The following MYOCD variants were observed in gnomAD, a reference collection of about 807,000 sequenced individuals.
MYOCD encodes the protein myocardin.
A neutral mutation model predicts 96.1 loss-of-function variants in MYOCD; 32 were observed. The ratio of observed to expected loss-of-function variants is 0.33; its 90% CI spans 0.25 to 0.45. The LOEUF is 0.45. Ranked by LOEUF, MYOCD falls within the 20% of genes least tolerant of loss-of-function variation. The probability of loss-of-function intolerance (pLI) is 1.00; values close to 1 mark genes in which losing one functional copy is unlikely to be tolerated. For synonymous variants in MYOCD, 469 were observed against 469.0 expected, an observed-to-expected ratio of 1.00 and a Z score of 0.00; for missense variants, 1,133 against 1,200.6, an observed-to-expected ratio of 0.94 and a Z score of 0.83.
rs989543366 is a variant in MYOCD at position 12,768,341 on chromosome 17, G to A, written c.*4697G>A. ...CAGGATGAGATCTGGGAAGAATTTT[G>A]TTGTCATCTGCCAGGGAAATTATCA... On this transcript the variant is annotated 3_prime_UTR_variant, in exon 14 of 14. Coordinates refer to ENST00000425538, the MANE Select transcript of MYOCD (RefSeq NM_001146312.3). The A allele has an allele frequency of 6.6e-6, 1 of 152,168 alleles. No individual in the cohort carries two copies. Among genetic ancestry groups the A allele is most frequent in the Admixed American group, 6.5e-5 (1 of 15,270 alleles). The allele number at this position is 152,168 out of a possible 1,614,324, so 9.4% of individuals were successfully genotyped here. A position where few individuals can be genotyped will look rare whatever the true frequency, so the allele number is the denominator to read the frequency against.
intron 6 of MYOCD, among the ~76,000 whole-genome samples, chr17:12,737,467 G>C (rs1286824684): frequency 6.6e-6 from 1 of 152,148 alleles, no homozygotes; most frequent in African/African-American, 2.4e-5. Flanking sequence ...GGCTCTAGAA[G>C]TATGGCAGAG....
intron 1 of MYOCD, among the ~76,000 whole-genome samples, chr17:12,668,756 C>T (rs1401743393): frequency 6.6e-6 from 1 of 152,000 alleles, no homozygotes; most frequent in African/African-American, 2.4e-5. Context: ...TGTGCCTCAA[C>T]TTGCCTCACC....
intron 1 of MYOCD, among the ~76,000 whole-genome samples, chr17:12,697,335 GTATATA>G (rs1007347099): frequency 2.7e-4 from 25 of 92,030 alleles, no homozygotes; most frequent in African/African-American, 1.1e-3. Context: ...TGGTATAGGA[GTATATA>G]TATATATATA....
intron 1 of MYOCD, among the ~76,000 whole-genome samples, chr17:12,693,928 C>T (rs917675411): frequency 5.3e-5 from 8 of 152,160 alleles, no homozygotes; most frequent in Non-Finnish European, 8.8e-5. Flanking sequence ...ACCCAAATGT[C>T]AGAATCATGA....
intron 13 of MYOCD, chr17:12,762,830 C>T: frequency 2.0e-6 from 1 of 493,154 alleles, no homozygotes; most frequent in South Asian, 2.8e-5. Context: ...GAGGAGTAGG[C>T]CAGGAACCTT....
In MYOCD at chr17:12,705,178, C is replaced by G; in HGVS notation, c.106C>G (p.Gln36Glu). 6.2e-7 allele frequency: 1 copy of G among 1,612,766 alleles called. No homozygotes were observed. ...AAGGACCCAGGAACAACTGGCTAAC[C>G]AAGGCATAATACCACGTGAGTACCT... The part of the protein sequence containing the change: ...QRRTQEQLAN[Q>E]GIIPPLKRPA... The change falls in exon 2 of 14, where the codon CAA becomes GAA. Residue 36 changes from glutamine (Q) to glutamate (E), a missense_variant. By Grantham distance (29) the Gln-to-Glu change is conservative (BLOSUM62 2). Coordinates refer to ENST00000425538, the MANE Select transcript of MYOCD (RefSeq NM_001146312.3).
chr17:12,706,402 G>A (rs1297559051), intron 2 of MYOCD, among the ~76,000 whole-genome samples: 3 of 152,212 alleles, frequency 2.0e-5, no homozygotes, highest in Non-Finnish European at 4.4e-5. Context: ...AGAAACCAAA[G>A]GTCTGCGGAT....
Position 12,742,953 on chromosome 17 carries a change from G to A in MYOCD, c.718-1230G>A, listed in dbSNP as rs890774671. Among the ~76,000 whole-genome samples, 3 of 152,144 alleles carry A rather than the reference G, an allele frequency of 2.0e-5. No homozygotes were observed. In the South Asian group the frequency reaches 6.2e-4, roughly 32 times the overall value. On this transcript the variant is annotated intron_variant, in intron 7 of 13. Coordinates refer to ENST00000425538, the MANE Select transcript of MYOCD (RefSeq NM_001146312.3). The stretch of plus-strand genomic sequence containing the variant: ...CAAAGGTCTTTTATTTCAGGAGCAG[G>A]TTATAGACATAATTACCTGTTCATT...
In MYOCD at chr17:12,756,399, C is replaced by T. The variant is rs1282795239; in HGVS notation, c.2059-15C>T. The T allele has an allele frequency of 2.6e-6, 4 of 1,552,180 alleles. No homozygotes were observed. The highest frequency in any genetic ancestry group is 3.5e-6 in the Non-Finnish European group (4 of 1,147,092). On this transcript the variant is annotated splice_polypyrimidine_tract_variant and intron_variant, in intron 10 of 13. Coordinates refer to ENST00000425538, the MANE Select transcript of MYOCD (RefSeq NM_001146312.3). Reference sequence around the variant, plus strand: ...CTGCTGCTGGCCATGTAATTTGTCACTTCTTCCTTTGCAGAACTCAGGAGC... The same window carrying T: ...CTGCTGCTGGCCATGTAATTTGTCATTTCTTCCTTTGCAGAACTCAGGAGC...
At position 12,736,324 on chromosome 17, in the gene MYOCD, G is replaced by A. The variant is rs1262909962; in HGVS notation, c.579G>A (p.Leu193=). The A allele has an allele frequency of 6.2e-7, 1 of 1,613,250 alleles. No individual in the cohort carries two copies. Among genetic ancestry groups the A allele is most frequent in the East Asian group, 2.2e-5 (1 of 44,884 alleles). The change falls in exon 6 of 14, where the codon CTG becomes CTA. Residue 193 remains leucine (L), a synonymous_variant. Transcript: ENST00000425538. ...CAGATACCCCTTCGACAGGTTCTCT[G>A]GGGACAAACCAGGTAAAAAACAAAA... ...KASDTPSTGS[L]GTNQDLASGS...
chr17:12,733,361 C>T (rs552670849), intron 5 of MYOCD, among the ~76,000 whole-genome samples: 2 of 151,084 alleles, frequency 1.3e-5, no homozygotes, highest in African/African-American at 4.9e-5. Flanking sequence ...TTCTGTGTTA[C>T]CCCTGCCCTA....
intron 4 of MYOCD, chr17:12,720,455 G>A (rs1597780174): frequency 6.6e-6 from 1 of 152,044 alleles, no homozygotes; most frequent in Admixed American, 6.5e-5. Context: ...CCATGACAAA[G>A]AACCAGGTAT....
chr17:12,709,040 A>G (rs1377572046), intron 2 of MYOCD, among the ~76,000 whole-genome samples: 1 of 152,226 alleles, frequency 6.6e-6, no homozygotes, highest in Non-Finnish European at 1.5e-5. Context: ...ATCATAATCT[A>G]TGTTTCGCCA....
chr17:12,690,156 C>G (rs1001529281), intron 1 of MYOCD, among the ~76,000 whole-genome samples: 4 of 151,792 alleles, frequency 2.6e-5, no homozygotes, highest in African/African-American at 9.7e-5. Context: ...ATAAATAGAT[C>G]TCCTAAGTCT....
chr17:12,705,305 C>A (rs547337203), intron 2 of MYOCD, 112 bp downstream of exon 2: 5 of 690,236 alleles, frequency 7.2e-6, no homozygotes, highest in African/African-American at 1.8e-5. Flanking sequence ...CTCCGAAGAT[C>A]TTCAAAGCAT....
chr17:12,703,283 C>T lies in MYOCD; in HGVS notation c.56-1845C>T, dbSNP rs372676142. ...CCACCTGTTTTTAAGATTTTTCTCT[C>T]TATCTTTAGCTTCAGCCATTGGATT... On this transcript the variant is annotated intron_variant, in intron 1 of 13. Transcript: ENST00000425538. 2.4e-4 allele frequency among the ~76,000 whole-genome samples: 36 copies of T among 152,022 alleles called. No individual in the cohort carries two copies. In the South Asian group the frequency reaches 7.3e-3, roughly 31 times the overall value.
intron 2 of MYOCD, among the ~76,000 whole-genome samples, chr17:12,711,554 A>G (rs561133587): frequency 6.6e-6 from 1 of 152,346 alleles, no homozygotes; most frequent in South Asian, 2.1e-4. Flanking sequence ...ATATAAATTT[A>G]CCAGCTAGTG....
intron 7 of MYOCD, among the ~76,000 whole-genome samples, chr17:12,741,716 TAA>T (rs66958558): frequency 0.046 from 3,995 of 87,142 alleles, 73 homozygotes; most frequent in Non-Finnish European, 0.062. Flanking sequence ...TATATATATA[TAA>T]AAAAAAAAAA....
chr17:12,716,844 G>T (rs4791507), intron 3 of MYOCD, among the ~76,000 whole-genome samples: 111,903 of 151,714 alleles, frequency 0.74, 41,659 homozygotes, highest in Non-Finnish European at 0.79. Flanking sequence ...AAAAAAATTA[G>T]CTGGGTTTGG....
Sources: gnomAD v4.1 joint callset for allele counts (sites outside exome capture counted in the v4.1 genomes callset) on GRCh38, gnomAD v4.1.1 for gene constraint, MANE v1.5 for transcripts, NCBI Gene and HGNC (gene_info 2026-07-23, HGNC 2026-07-21) for gene names.